The following PHLPP1 variants were observed in gnomAD, a reference collection of about 807,000 sequenced individuals.
The protein encoded by PHLPP1 is PH domain and leucine rich repeat protein phosphatase 1, also known as PH domain leucine-rich repeat-containing protein phosphatase 1.
In PHLPP1, 42 loss-of-function variants were observed where a neutral mutation model predicts 117.2. That is an observed-to-expected ratio of 0.36 (90% CI 0.28 to 0.46). The LOEUF (loss-of-function observed/expected upper bound fraction) is 0.46, where lower values mean the gene tolerates loss of function less well. Among genes scored for constraint, PHLPP1 ranks in the 20% least tolerant of loss-of-function variants. PHLPP1 has a pLI of 1.00. For missense variants in PHLPP1, 2,084 were observed against 2,241.9 expected, an observed-to-expected ratio of 0.93 and a Z score of 1.42; for synonymous variants, 1,042 against 970.7, an observed-to-expected ratio of 1.07 and a Z score of -1.37.
chr18:62,975,128 G>T (rs148952639), intron 15 of PHLPP1, among the ~76,000 whole-genome samples: 1 of 152,304 alleles, frequency 6.6e-6, no homozygotes, highest in East Asian at 1.9e-4. Context: ...AGGGGCACCC[G>T]CCTTCCAGAG....
intron 10 of PHLPP1, among the ~76,000 whole-genome samples, chr18:62,929,551 G>A (rs999800363): frequency 8.5e-5 from 13 of 152,102 alleles, no homozygotes; most frequent in Admixed American, 7.9e-4. Flanking sequence ...TTTAGCAAAA[G>A]GAATGATAGT....
At chr18:62,873,012 A>C (rs891069165) in intron 4 of PHLPP1, among the ~76,000 whole-genome samples, 114 of 147,396 alleles carry the variant, frequency 7.7e-4, no homozygotes, top group African/African-American at 2.8e-3. Context: ...AAAAAAGAAA[A>C]GGGGAGGTCA....
At chr18:62,900,816 AT>A (rs1916705077) in intron 6 of PHLPP1, among the ~76,000 whole-genome samples, 1 of 152,222 alleles carries the variant, frequency 6.6e-6, no homozygotes, top group African/African-American at 2.4e-5. Flanking sequence ...AAAGTGAAAT[AT>A]CTCACAAATA....
Position 62,715,741 on chromosome 18 carries a change from C to A in PHLPP1, c.58C>A (p.Arg20=). The change falls in exon 1 of 17, where the codon CGA becomes AGA. Residue 20 remains arginine (R), a synonymous_variant. Coordinates refer to ENST00000262719, the MANE Select transcript of PHLPP1 (RefSeq NM_194449.4). ...QRLPELGRED[R]ASAPAAAAAA... Reference sequence around the variant, plus strand: ...ACTCCCCGAGCTCGGCAGGGAGGACCGAGCTTCGGCTCCGGCGGCCGCCGC... The same window carrying A: ...ACTCCCCGAGCTCGGCAGGGAGGACAGAGCTTCGGCTCCGGCGGCCGCCGC... 8.3e-7 allele frequency: 1 copy of A among 1,211,372 alleles called. No individual in the cohort carries two copies. Among genetic ancestry groups the A allele is most frequent in the South Asian group, 3.6e-5 (1 of 28,128 alleles). 75.0% of individuals were successfully genotyped at this position (1,211,372 alleles called of 1,614,324 possible).
intron 13 of PHLPP1, among the ~76,000 whole-genome samples, chr18:62,960,401 C>T (rs890991537): frequency 6.6e-6 from 1 of 151,992 alleles, no homozygotes; most frequent in Non-Finnish European, 1.5e-5. Context: ...TATGTTTACA[C>T]GTAAATATAC....
chr18:62,765,412 G>A (rs926084415), intron 1 of PHLPP1, among the ~76,000 whole-genome samples: 2 of 152,134 alleles, frequency 1.3e-5, no homozygotes, highest in Non-Finnish European at 1.5e-5. Context: ...AAGTACATTT[G>A]GATATGAAAA....
intron 12 of PHLPP1, among the ~76,000 whole-genome samples, chr18:62,956,075 A>G (rs962684936): frequency 3.3e-5 from 5 of 152,228 alleles, no homozygotes; most frequent in Admixed American, 3.3e-4. Context: ...GTTTTCTCCA[A>G]TATTTAGGTT....
intron 1 of PHLPP1, among the ~76,000 whole-genome samples, chr18:62,810,980 A>G (rs1462643452): frequency 6.6e-6 from 1 of 152,222 alleles, no homozygotes; most frequent in Non-Finnish European, 1.5e-5. Context: ...AATGGACCCT[A>G]AATCTAATTA....
chr18:62,831,061 C>T (rs986626719), intron 2 of PHLPP1, among the ~76,000 whole-genome samples: 6 of 152,030 alleles, frequency 3.9e-5, no homozygotes, highest in Non-Finnish European at 7.4e-5. Context: ...TGTGATGCAA[C>T]GGATATATTT....
intron 3 of PHLPP1, among the ~76,000 whole-genome samples, chr18:62,849,991 G>A (rs947745890): frequency 6.6e-6 from 1 of 150,568 alleles, no homozygotes; most frequent in Admixed American, 6.7e-5. Context: ...GTAGGAAGTA[G>A]TGGAGCAATT....
intron 4 of PHLPP1, among the ~76,000 whole-genome samples, chr18:62,874,665 A>G (rs745490609): frequency 0.076 from 10,986 of 145,014 alleles, 429 homozygotes; most frequent in Middle Eastern, 0.12. Flanking sequence ...GCGCACACAC[A>G]CACACACACA....
chr18:62,869,004 T>A (rs2144370384), intron 4 of PHLPP1, among the ~76,000 whole-genome samples: 1 of 152,348 alleles, frequency 6.6e-6, no homozygotes, highest in East Asian at 1.9e-4. Flanking sequence ...AATCTCAAGA[T>A]GAAGAAGAAT....
chr18:62,941,897 G>A lies in PHLPP1; in HGVS notation c.3140G>A (p.Arg1047Gln), dbSNP rs368449962. 1.7e-5 allele frequency: 27 copies of A among 1,613,232 alleles called. No individual in the cohort carries two copies. In the African/African-American group the frequency reaches 2.8e-4, roughly 17 times the overall value. ...HLKILHMAYN[R>Q]LQSFPASKMA... ...AAGATCCTTCACATGGCCTATAACC[G>A]ACTTCAGAGTTTTCCAGCAAGGTAA... The change falls in exon 11 of 17, where the codon CGA becomes CAA. Residue 1047 changes from arginine (R) to glutamine (Q), a missense_variant. By Grantham distance (43) the Arg-to-Gln change is conservative (BLOSUM62 1). Coordinates refer to ENST00000262719, the MANE Select transcript of PHLPP1 (RefSeq NM_194449.4).
intron 1 of PHLPP1, among the ~76,000 whole-genome samples, chr18:62,725,309 A>G (rs978473138): frequency 6.6e-6 from 1 of 151,682 alleles, no homozygotes; most frequent in African/African-American, 2.4e-5. Context: ...GCAGTGAGCC[A>G]ACATTGCACC....
chr18:62,924,603 A>G (rs2144431041), intron 10 of PHLPP1, among the ~76,000 whole-genome samples: 1 of 150,072 alleles, frequency 6.7e-6, no homozygotes, highest in African/African-American at 2.4e-5. Context: ...GGAGGCCAAC[A>G]CGGGAGGATT....
chr18:62,900,433 CTTTTTTTTTT>C (rs774225759), intron 6 of PHLPP1, among the ~76,000 whole-genome samples: 12 of 54,264 alleles, frequency 2.2e-4, no homozygotes, highest in East Asian at 8.7e-4. Flanking sequence ...CTTTTTCTTT[CTTTTTTTTTT>C]TTTTTTTTTT....
chr18:62,896,032 G>T, intron 6 of PHLPP1, 21 bp downstream of exon 6: 1 of 1,457,018 alleles, frequency 6.9e-7, no homozygotes, highest in Non-Finnish European at 9.6e-7. Flanking sequence ...TTGAGAAATA[G>T]ATCTCATTTG....
chr18:62,866,249 G>GT (rs570308646), intron 4 of PHLPP1, among the ~76,000 whole-genome samples: 4,629 of 140,986 alleles, frequency 0.033, 64 homozygotes, highest in Middle Eastern at 0.076. Context: ...TGTGTTTTTT[G>GT]TTTTTTTTTT....
At chr18:62,741,820 C>T (rs141917775) in intron 1 of PHLPP1, among the ~76,000 whole-genome samples, 1 of 151,196 alleles carries the variant, frequency 6.6e-6, no homozygotes, top group South Asian at 2.1e-4. Context: ...TGTTTGAAAG[C>T]CCTGAGGTAG....
Sources: gnomAD v4.1 joint callset for allele counts (sites outside exome capture counted in the v4.1 genomes callset) on GRCh38, gnomAD v4.1.1 for gene constraint, MANE v1.5 for transcripts, NCBI Gene and HGNC (gene_info 2026-07-23, HGNC 2026-07-21) for gene names.